NOX4: variants seen among roughly 807,000 people sequenced by gnomAD.
NOX4 encodes kidney oxidase-1.
Under a neutral mutation model 87.6 loss-of-function variants are expected in NOX4, and 69 were observed. The ratio of observed to expected loss-of-function variants is 0.79; its 90% CI spans 0.65 to 0.96. The LOEUF (loss-of-function observed/expected upper bound fraction) is 0.96, where lower values mean the gene tolerates loss of function less well. Ranked by LOEUF, NOX4 falls within the 40% of genes least tolerant of loss-of-function variation. The pLI, the probability that NOX4 is intolerant of heterozygous loss-of-function variation, is 0.00. For synonymous variants in NOX4, 275 were observed against 238.2 expected (o/e 1.15, Z -1.42); for missense variants, 680 against 681.5 (o/e 1.00, Z 0.02).
chr11:89,357,775 A>G (rs1938182718), intron 12 of NOX4, among the ~76,000 whole-genome samples: 1 of 152,186 alleles, frequency 6.6e-6, no homozygotes, highest in African/African-American at 2.4e-5. Flanking sequence ...GCACACAACT[A>G]TAATATAATA....
At chr11:89,576,874 G>GT in the NOX4 span, 86 of 152,088 alleles carry the variant, frequency 5.7e-4, no homozygotes, top group African/African-American at 2.0e-3. Context: ...AGTAACACCA[G>GT]TAATTTGTTT....
intron 2 of NOX4, among the ~76,000 whole-genome samples, chr11:89,459,249 G>C (rs900580511): frequency 6.6e-6 from 1 of 151,966 alleles, no homozygotes; most frequent in Non-Finnish European, 1.5e-5. Flanking sequence ...TAAACACTGA[G>C]TAAACAGGAA....
intron 2 of NOX4, among the ~76,000 whole-genome samples, chr11:89,485,740 T>C (rs1204292143): frequency 6.6e-6 from 1 of 152,174 alleles, no homozygotes; most frequent in Non-Finnish European, 1.5e-5. Context: ...AAGTGACTTA[T>C]TTAAAAGGTT....
chr11:89,340,238 T>A (rs1565175770), intron 14 of NOX4, 67 bp from the exon 15 acceptor site: 1 of 1,075,376 alleles, frequency 9.3e-7, no homozygotes, highest in East Asian at 2.5e-5. Flanking sequence ...ATTCGTATAT[T>A]TTTTAAAGTT....
chr11:89,390,897 T>C (rs1385909445), intron 11 of NOX4, among the ~76,000 whole-genome samples: 1 of 152,138 alleles, frequency 6.6e-6, no homozygotes, highest in African/African-American at 2.4e-5. Flanking sequence ...TCTGACTCAG[T>C]CTACTCCAAA....
chr11:89,446,361 G>A (rs1944707130), intron 4 of NOX4, among the ~76,000 whole-genome samples: 1 of 151,930 alleles, frequency 6.6e-6, no homozygotes, highest in South Asian at 2.1e-4. Flanking sequence ...CATACTCTTG[G>A]ATATTTACCC....
At chr11:89,521,524 A>G in the NOX4 span, among the ~76,000 whole-genome samples, 1 of 152,106 alleles carries the variant, frequency 6.6e-6, no homozygotes, top group South Asian at 2.1e-4. Flanking sequence ...CACATACAAA[A>G]TTAATTCAAG....
intron 7 of NOX4, among the ~76,000 whole-genome samples, chr11:89,429,035 T>G (rs1265049922): frequency 6.6e-6 from 1 of 152,164 alleles, no homozygotes; most frequent in Non-Finnish European, 1.5e-5. Flanking sequence ...GCAATCAAAC[T>G]AGAACTCAGG....
intron 8 of NOX4, among the ~76,000 whole-genome samples, chr11:89,417,728 A>G (rs1437520269): frequency 6.6e-6 from 1 of 152,084 alleles, no homozygotes; most frequent in Non-Finnish European, 1.5e-5. Context: ...CAAAGCTATA[A>G]GTATTGGTAC....
chr11:89,329,057 T>C (rs1397741517), intron 17 of NOX4, among the ~76,000 whole-genome samples: 1 of 151,784 alleles, frequency 6.6e-6, no homozygotes, highest in East Asian at 2.0e-4. Context: ...AGCAAACTAA[T>C]ACAAGGAGAA....
intron 11 of NOX4, among the ~76,000 whole-genome samples, chr11:89,399,461 A>ATT (rs1941696031): frequency 1.4e-5 from 2 of 138,794 alleles, no homozygotes; most frequent in Admixed American, 1.5e-4. Flanking sequence ...ATATATATAT[A>ATT]TATATATATA....
chr11:89,448,844 C>T (rs1250309148), intron 4 of NOX4, among the ~76,000 whole-genome samples: 2 of 152,042 alleles, frequency 1.3e-5, no homozygotes, highest in East Asian at 1.9e-4. Context: ...GATTGTACCG[C>T]TGTACTCCAG....
chr11:89,550,724 T>G, the NOX4 span, among the ~76,000 whole-genome samples: 1 of 152,222 alleles, frequency 6.6e-6, no homozygotes, highest in African/African-American at 2.4e-5. Context: ...TGCAAAATTT[T>G]TCTCCCAATC....
chr11:89,450,782 G>A (rs1354561044), intron 3 of NOX4, among the ~76,000 whole-genome samples: 1 of 143,172 alleles, frequency 7.0e-6, no homozygotes, highest in Non-Finnish European at 1.5e-5. Flanking sequence ...GTTTATTGTG[G>A]CACTATTCAC....
intron 2 of NOX4, among the ~76,000 whole-genome samples, chr11:89,459,229 A>T (rs944801512): frequency 4.6e-5 from 7 of 152,114 alleles, no homozygotes; most frequent in Non-Finnish European, 1.0e-4. Context: ...CTCACTTAAA[A>T]ATTGAGAGCT....
the NOX4 span, among the ~76,000 whole-genome samples, chr11:89,588,010 A>G: frequency 6.6e-6 from 1 of 152,152 alleles, no homozygotes; most frequent in Non-Finnish European, 1.5e-5. Context: ...TATTTCTTAT[A>G]ATCTATTCTC....
rs577289262 is a variant in NOX4, at chr11:89,352,013, GT to G, written c.1217+2948del. On this transcript the variant is annotated intron_variant, in intron 13 of 17. Coordinates refer to ENST00000263317, the MANE Select transcript of NOX4 (RefSeq NM_016931.5). The stretch of plus-strand genomic sequence containing the variant: ...GAATGAAATAACTCAGACACAGAAA[GT>G]TAAATACTTCATGTTCTCACTTAAA... Among the ~76,000 whole-genome samples the G allele has an allele frequency of 4.0e-4, 61 of 152,248 alleles. 2 individuals carry two copies. In the South Asian group the frequency reaches 0.011, roughly 28 times the overall value.
intron 1 of NOX4, 90 bp downstream of exon 1, chr11:89,491,100 T>C (rs1946833197): frequency 7.7e-7 from 1 of 1,301,400 alleles, no homozygotes; most frequent in South Asian, 1.3e-5. Flanking sequence ...AACTTCCACT[T>C]CCAGCTTCCC....
chr11:89,424,400 T>C (rs1410192711), intron 7 of NOX4, among the ~76,000 whole-genome samples: 3 of 150,804 alleles, frequency 2.0e-5, no homozygotes, highest in Non-Finnish European at 4.4e-5. Context: ...AGTAGATATA[T>C]CTACTTTTTC....
Sources: allele counts gnomAD v4.1 joint callset (sites outside exome capture counted in the v4.1 genomes callset), GRCh38; gene constraint gnomAD v4.1.1; transcripts MANE v1.5; gene names NCBI Gene and HGNC (gene_info 2026-07-23, HGNC 2026-07-21).